Variants in NDRG2 observed in about 807,000 individuals in gnomAD.
The protein encoded by NDRG2 is NDRG family member 2.
A neutral mutation model predicts 58.2 loss-of-function variants in NDRG2; 34 were observed. The observed-to-expected ratio is 0.58, with a 90% CI of 0.44 to 0.78. The LOEUF (loss-of-function observed/expected upper bound fraction) is 0.78. Ranked by LOEUF, NDRG2 falls within the 30% of genes least tolerant of loss-of-function variation. The pLI is 0.00. For synonymous variants in NDRG2, 187 were observed against 175.9 expected (o/e 1.06, Z -0.50); for missense variants, 434 against 471.2 (o/e 0.92, Z 0.73).
chr14:21,031,789 A>G (rs371680835), intron 1 of NDRG2: 16 of 1,337,850 alleles, frequency 1.2e-5, no homozygotes, highest in African/African-American at 8.8e-5. Context: ...GTGGCAGAGC[A>G]AGAGCTCCAA....
chr14:21,043,517 C>T (rs572933077), intron 1 of NDRG2: 32 of 1,172,476 alleles, frequency 2.7e-5, no homozygotes, highest in African/African-American at 4.6e-5. Flanking sequence ...TCCAGGACTC[C>T]GCACCACTCC....
intron 1 of NDRG2, chr14:21,033,193 G>T: frequency 2.8e-6 from 1 of 354,960 alleles, no homozygotes; most frequent in Non-Finnish European, 5.5e-6. Flanking sequence ...GGGGGAGACA[G>T]TCCTAGGCTC....
At position 21,024,141 on chromosome 14, in the gene NDRG2, T is replaced by C; in HGVS notation, c.-118A>G. The C allele has an allele frequency of 2.0e-6, 2 of 985,444 alleles. No individual in the cohort carries two copies. The highest frequency in any genetic ancestry group is 2.4e-6 in the Non-Finnish European group (2 of 829,958). The allele number at this position is 985,444 out of a possible 1,614,324, so 61.0% of individuals were successfully genotyped here. On this transcript the variant is annotated 5_prime_UTR_variant, in exon 1 of 16. Coordinates refer to ENST00000556147, the MANE Select transcript of NDRG2 (RefSeq NM_001320329.2). ...AGGTGAATGACATGGGAGACAGACC[T>C]GGGGTCTTTCAGGGACGGAAAGCCT...
Position 21,017,179 on chromosome 14 carries a change from T to A in NDRG2, c.*417A>T, listed in dbSNP as rs1482649441. The A allele has an allele frequency of 1.1e-5, 4 of 362,838 alleles. No individual in the cohort carries two copies. Among genetic ancestry groups the A allele is most frequent in the Admixed American group, 3.5e-5 (1 of 28,770 alleles). 22.5% of individuals were successfully genotyped at this position (362,838 alleles called of 1,614,324 possible). ...CCTAAAGGGTTAATGAGAAGCCACCTCAGCTTTGGTGAATGGAGCCCCAGC... is the reference window on the plus strand; with the variant it reads ...CCTAAAGGGTTAATGAGAAGCCACCACAGCTTTGGTGAATGGAGCCCCAGC... On this transcript the variant is annotated 3_prime_UTR_variant, in exon 16 of 16. Transcript: ENST00000556147.
intron 1 of NDRG2, chr14:21,023,758 TCA>T: frequency 6.0e-6 from 1 of 166,568 alleles, no homozygotes; most frequent in Non-Finnish European, 1.3e-5. Context: ...CTGTGAGAGT[TCA>T]CAATTGACCA....
At chr14:21,031,068 T>C (rs1186528751) in intron 1 of NDRG2, 8 of 1,614,124 alleles carry the variant, frequency 5.0e-6, no homozygotes, top group Non-Finnish European at 6.8e-6. Flanking sequence ...GTGAAGGAAC[T>C]GGGCCAGAAG....
intron 1 of NDRG2, chr14:21,058,109 G>T: frequency 1.2e-6 from 2 of 1,614,042 alleles, no homozygotes; most frequent in South Asian, 1.1e-5. Context: ...CTTCCTGCAC[G>T]AGCCCTTCTC....
chr14:21,044,658 A>G (rs1460506653), intron 1 of NDRG2, among the ~76,000 whole-genome samples: 1 of 152,222 alleles, frequency 6.6e-6, no homozygotes, highest in Non-Finnish European at 1.5e-5. Flanking sequence ...GAGCTGGAGA[A>G]GGTATGGCTT....
At position 21,022,400 on chromosome 14, in the gene NDRG2, C is replaced by T. The variant is rs1881030749; in HGVS notation, c.215G>A (p.Gly72Glu). The change falls in exon 4 of 16, where the codon GGA becomes GAA. Residue 72 changes from glycine to glutamate, a missense_variant. Transcript: ENST00000556147. ...TGAATGAAGGTCCTTACAGTTGAGT[C>T]CCACATCGTGGTAGGTAAGGATCGC... is the stretch of plus-strand genomic sequence containing the variant. ...RPAILTYHDV[G>E]LNYKSCFQPL... 6.2e-7 allele frequency: 1 copy of T among 1,613,124 alleles called. No homozygotes were observed. Among genetic ancestry groups the T allele is most frequent in the Non-Finnish European group, 8.5e-7 (1 of 1,179,240 alleles).
At chr14:21,025,341 C>T (rs951092864), upstream of NDRG2, 5 of 984,898 alleles carry the variant, frequency 5.1e-6, no homozygotes, top group African/African-American at 8.7e-5. The surrounding 1 kb of genome is among the most constrained non-coding windows in gnomAD (Gnocchi z 5.1). Context: ...GCGGGGATCC[C>T]TCAGCCCTGA....
chr14:21,070,841 C>T lies in NDRG2; in HGVS notation c.11G>A (p.Gly4Asp). ...ATGAGAACTGACCTGCATGGAACCA[C>T]CATTTTCCATCCCTGTCCCCAACCC... The change falls in exon 1 of 15, where the codon GGT becomes GAT. Residue 4 changes from glycine (G) to aspartate (D), a missense_variant. Coordinates refer to the NDRG2 transcript ENST00000403829. The surrounding 1 kb of genome is among the most constrained non-coding windows in gnomAD (Gnocchi z 4.7). 6.5e-7 allele frequency: 1 copy of T among 1,535,690 alleles called. No homozygotes were observed. Among genetic ancestry groups the T allele is most frequent in the Admixed American group, 2.0e-5 (1 of 51,014 alleles).
chr14:21,039,273 G>C (rs776146796), intron 1 of NDRG2, among the ~76,000 whole-genome samples: 1 of 152,132 alleles, frequency 6.6e-6, no homozygotes, highest in African/African-American at 2.4e-5. Flanking sequence ...CACAACACCC[G>C]CCCCAACTTA....
intron 1 of NDRG2, among the ~76,000 whole-genome samples, chr14:21,049,689 C>T (rs1289992026): frequency 2.0e-5 from 3 of 151,888 alleles, no homozygotes; most frequent in Non-Finnish European, 4.4e-5. Flanking sequence ...TAGGCAAGAA[C>T]TCGGGCTTTT....
intron 1 of NDRG2, among the ~76,000 whole-genome samples, chr14:21,053,655 T>G (rs1257289114): frequency 6.6e-6 from 1 of 151,594 alleles, no homozygotes; most frequent in Non-Finnish European, 1.5e-5. Flanking sequence ...AAAAGAAAAA[T>G]TAGCCACACG....
At chr14:21,021,595 C>G (rs1594407470) in intron 6 of NDRG2, 2 of 572,792 alleles carry the variant, frequency 3.5e-6, no homozygotes, top group African/African-American at 1.9e-5. Context: ...AAGCATAGAC[C>G]CTTTTCCTTC....
chr14:21,055,143 A>G (rs1466534124), intron 1 of NDRG2, among the ~76,000 whole-genome samples: 1 of 152,206 alleles, frequency 6.6e-6, no homozygotes, highest in Admixed American at 6.5e-5. Context: ...AAAGATTTTT[A>G]AAGTTTTACT....
Position 21,070,276 on chromosome 14 carries a change from C to T in NDRG2, c.24+552G>A. On this transcript the variant is annotated intron_variant, in intron 1 of 14. Transcript: ENST00000403829. This position sits in a 1 kb window ranked among gnomAD's most constrained non-coding sequence, Gnocchi z 4.7. ...CTGGAAGCCGGAGCGGGCCGAGCCGCCACCGCGGCCGGAGCTGTCCCTTAG... is the reference window on the plus strand; with the variant it reads ...CTGGAAGCCGGAGCGGGCCGAGCCGTCACCGCGGCCGGAGCTGTCCCTTAG... 9.2e-7 allele frequency: 1 copy of T among 1,088,820 alleles called. No individual in the cohort carries two copies. The highest frequency in any genetic ancestry group is 1.2e-6 in the Non-Finnish European group (1 of 866,512). The allele number at this position is 1,088,820 out of a possible 1,614,324, so 67.4% of individuals were successfully genotyped here. A position where few individuals can be genotyped will look rare whatever the true frequency, so the allele number is the denominator to read the frequency against.
chr14:21,020,036 C>G (rs1879249019), intron 8 of NDRG2, 60 bp from the exon 9 acceptor site: 1 of 1,516,418 alleles, frequency 6.6e-7, no homozygotes. Flanking sequence ...TGGCTCACGT[C>G]TGTAATCCCA....
chr14:21,067,601 G>A (rs1886337371), intron 1 of NDRG2, among the ~76,000 whole-genome samples: 1 of 152,172 alleles, frequency 6.6e-6, no homozygotes, highest in Non-Finnish European at 1.5e-5. Flanking sequence ...AAGCCCCAAA[G>A]AGTCTTAAAT....
Sources: gnomAD v4.1 joint callset for allele counts (sites outside exome capture counted in the v4.1 genomes callset) on GRCh38, gnomAD v4.1.1 for gene constraint, Gnocchi (gnomAD v3.1) non-coding constraint, MANE v1.5 for transcripts, NCBI Gene and HGNC (gene_info 2026-07-23, HGNC 2026-07-21) for gene names.